Variants in GALNT17 observed in about 807,000 individuals in gnomAD.
The protein encoded by GALNT17 is UDP-GalNAc:polypeptide N-acetylgalactosaminyltransferase-like 3.
GALNT17 carries 29 observed loss-of-function variants against 63.7 expected under a neutral mutation model. That is an observed-to-expected ratio of 0.46 (90% CI 0.34 to 0.62). The LOEUF is 0.62. Ranked by LOEUF, GALNT17 falls within the 20% of genes least tolerant of loss-of-function variation. GALNT17 has a pLI of 0.01. For missense variants in GALNT17, 603 were observed against 799.6 expected, an observed-to-expected ratio of 0.75 and a Z score of 2.97; for synonymous variants, 305 against 318.3, an observed-to-expected ratio of 0.96 and a Z score of 0.45.
intron 2 of GALNT17, among the ~76,000 whole-genome samples, chr7:71,340,366 A>G (rs1445007763): frequency 6.6e-6 from 1 of 152,128 alleles, no homozygotes; most frequent in African/African-American, 2.4e-5. Flanking sequence ...CAGCTCCATT[A>G]CCTCTCTAGT....
At chr7:71,319,096 A>ATCTATCTATCTTTCTTTCTT (rs779161547) in intron 1 of GALNT17, among the ~76,000 whole-genome samples, 2 of 131,882 alleles carry the variant, frequency 1.5e-5, no homozygotes, top group East Asian at 2.4e-4. Context: ...ATTTTTGTTT[A>ATCTATCTATCTTTCTTTCTT]TCTTTCTTTC....
intron 5 of GALNT17, among the ~76,000 whole-genome samples, chr7:71,462,265 TC>T (rs1251463742): frequency 6.6e-6 from 1 of 152,140 alleles, no homozygotes; most frequent in Non-Finnish European, 1.5e-5. Context: ...AGCCATTCGT[TC>T]CCTCCACTCA....
intron 1 of GALNT17, among the ~76,000 whole-genome samples, chr7:71,166,039 C>T (rs1299679042): frequency 6.6e-6 from 1 of 151,658 alleles, no homozygotes; most frequent in Admixed American, 6.6e-5. Flanking sequence ...CATAAGTATT[C>T]AGAAAGGTGC....
chr7:71,459,301 G>C (rs1787411565), intron 5 of GALNT17, among the ~76,000 whole-genome samples: 1 of 152,190 alleles, frequency 6.6e-6, no homozygotes, highest in South Asian at 2.1e-4. Context: ...CAGCTGGGCT[G>C]ATTACAGCTG....
At chr7:71,523,101 A>G (rs1788557149) in intron 5 of GALNT17, among the ~76,000 whole-genome samples, 1 of 152,166 alleles carries the variant, frequency 6.6e-6, no homozygotes, top group Non-Finnish European at 1.5e-5. Context: ...GTCCCACACA[A>G]TTCTGTGAAC....
At chr7:71,237,786 G>C (rs963957340) in intron 1 of GALNT17, among the ~76,000 whole-genome samples, 7 of 152,142 alleles carry the variant, frequency 4.6e-5, no homozygotes, top group African/African-American at 1.7e-4. Context: ...CTAAATAAGA[G>C]TTTTGGAACT....
At chr7:71,562,165 A>G (rs1334637545) in intron 5 of GALNT17, among the ~76,000 whole-genome samples, 2 of 152,010 alleles carry the variant, frequency 1.3e-5, no homozygotes, top group African/African-American at 2.4e-5. Context: ...TAGTCTCACT[A>G]TGCTGCCCGG....
chr7:71,691,470 T>C (rs1487658216), intron 9 of GALNT17, among the ~76,000 whole-genome samples: 1 of 152,232 alleles, frequency 6.6e-6, no homozygotes, highest in Non-Finnish European at 1.5e-5. Flanking sequence ...CAACTGAACC[T>C]GCAATATCTC....
At chr7:71,352,121 A>C (rs1357696924) in intron 2 of GALNT17, among the ~76,000 whole-genome samples, 1 of 152,150 alleles carries the variant, frequency 6.6e-6, no homozygotes, top group African/African-American at 2.4e-5. Flanking sequence ...TCATGAGGTC[A>C]GTTTCCCCCA....
intron 1 of GALNT17, among the ~76,000 whole-genome samples, chr7:71,301,778 T>G (rs1212722401): frequency 6.6e-6 from 1 of 152,072 alleles, no homozygotes; most frequent in Non-Finnish European, 1.5e-5. Context: ...GAAATAAAAA[T>G]GAATAATGTA....
At chr7:71,301,439 T>A (rs1791196122) in intron 1 of GALNT17, among the ~76,000 whole-genome samples, 1 of 147,740 alleles carries the variant, frequency 6.8e-6, no homozygotes, top group East Asian at 1.9e-4. Flanking sequence ...ATAACATATA[T>A]TTTAAATATT....
At chr7:71,561,602 TAG>T (rs1414437420) in intron 5 of GALNT17, among the ~76,000 whole-genome samples, 1 of 151,848 alleles carries the variant, frequency 6.6e-6, no homozygotes, top group Non-Finnish European at 1.5e-5. Context: ...AAATAGAAAA[TAG>T]AGTCAGCCCC....
chr7:71,648,831 G>A (rs1790716925), intron 6 of GALNT17, among the ~76,000 whole-genome samples: 1 of 152,196 alleles, frequency 6.6e-6, no homozygotes, highest in Non-Finnish European at 1.5e-5. Flanking sequence ...CAACTCAGTA[G>A]TAATTGGCAA....
chr7:71,154,187 G>A (rs1239036753), intron 1 of GALNT17, among the ~76,000 whole-genome samples: 1 of 151,590 alleles, frequency 6.6e-6, no homozygotes, highest in African/African-American at 2.4e-5. Context: ...CTTCGCTGAA[G>A]CCCCCATACT....
intron 9 of GALNT17, among the ~76,000 whole-genome samples, chr7:71,690,789 G>A (rs1791432639): frequency 6.6e-6 from 1 of 152,190 alleles, no homozygotes; most frequent in African/African-American, 2.4e-5. Flanking sequence ...GGTGGAAACA[G>A]CAAGAGAACT....
At chr7:71,283,152 C>A (rs999808739) in intron 1 of GALNT17, among the ~76,000 whole-genome samples, 9 of 28,820 alleles carry the variant, frequency 3.1e-4, no homozygotes, top group Admixed American at 1.5e-3. Context: ...CTGCCTCAGC[C>A]CCCCCCAAGT....
chr7:71,679,403 G>GA (rs1399499032), intron 9 of GALNT17, among the ~76,000 whole-genome samples: 6 of 151,886 alleles, frequency 4.0e-5, no homozygotes, highest in Non-Finnish European at 1.5e-5. Flanking sequence ...CTTAAAAAAA[G>GA]AAAAAAATAA....
At chr7:71,170,598 A>G (rs1445083653) in intron 1 of GALNT17, among the ~76,000 whole-genome samples, 1 of 152,148 alleles carries the variant, frequency 6.6e-6, no homozygotes, top group African/African-American at 2.4e-5. Context: ...GGCCTCCCAA[A>G]GTGCTGGGAT....
chr7:71,549,079 A>C (rs1789032847), intron 5 of GALNT17, among the ~76,000 whole-genome samples: 1 of 152,118 alleles, frequency 6.6e-6, no homozygotes, highest in Non-Finnish European at 1.5e-5. Context: ...TATATCCCTC[A>C]GTGTGCTGTG....
Sources: gnomAD v4.1 joint callset for allele counts (sites outside exome capture counted in the v4.1 genomes callset) on GRCh38, gnomAD v4.1.1 for gene constraint, MANE v1.5 for transcripts, NCBI Gene and HGNC (gene_info 2026-07-23, HGNC 2026-07-21) for gene names.